Variants in GALNT3 observed in about 807,000 individuals in gnomAD.
GALNT3 encodes GalNAc transferase 3.
In GALNT3, 51 loss-of-function variants were observed where a neutral mutation model predicts 69.8. The ratio of observed to expected loss-of-function variants is 0.73; its 90% confidence interval spans 0.58 to 0.92. GALNT3 has a LOEUF of 0.92. Among genes scored for constraint, GALNT3 ranks in the 40% least tolerant of loss-of-function variants. The pLI is 0.00. For synonymous variants in GALNT3, 265 were observed against 248.5 expected (o/e 1.07, Z -0.63); for missense variants, 711 against 760.0 (o/e 0.94, Z 0.76).
rs760531349 is a variant in GALNT3, at chr2:165,759,485, G to A, written c.924C>T (p.Ser308=). Residue 308 remains serine (S), a synonymous_variant, in exon 5 of 11, where the codon TCC becomes TCT. Coordinates refer to ENST00000392701, the MANE Select transcript of GALNT3 (RefSeq NM_004482.4). ...TGAATTCAAACGTGTTCAGATCTAT[G>A]GATGCAATATCTGGACTTACGACAG... ...YTAVVSPDIA[S]IDLNTFEFNK... 9.3e-6 allele frequency: 15 copies of A among 1,613,910 alleles called. No homozygotes were observed. Among genetic ancestry groups the A allele is most frequent in the Non-Finnish European group, 1.3e-5 (15 of 1,179,990 alleles).
In GALNT3 at chr2:165,787,782, C is replaced by T. The variant is rs374596775; in HGVS notation, c.-109+6233G>A. Among the ~76,000 whole-genome samples the T allele has an allele frequency of 2.0e-4, 30 of 152,272 alleles. No individual in the cohort carries two copies. In the East Asian group the frequency reaches 4.4e-3, roughly 22 times the overall value. ...TTAAGTAAAGGCTGCTCCCTTTAAG[C>T]TCCTCAACAATAATAATATACTCAA... On this transcript the variant is annotated intron_variant, in intron 1 of 10. Transcript: ENST00000392701.
chr2:165,755,686 C>T lies in GALNT3; in HGVS notation c.1393-623G>A, dbSNP rs913313193. Among the ~76,000 whole-genome samples, 131 of 152,220 alleles carry T rather than the reference C, an allele frequency of 8.6e-4. 1 individual carries two copies. Among genetic ancestry groups the T allele is most frequent in the African/African-American group, 2.9e-3 (122 of 41,532 alleles). On this transcript the variant is annotated intron_variant, in intron 7 of 10. Coordinates refer to ENST00000392701, the MANE Select transcript of GALNT3 (RefSeq NM_004482.4). Reference sequence around the variant, plus strand: ...CTAAGAAAATAACTTTTTTAAAAAACCATTATTAAACTTCAAGGTATTTGA... The same window carrying T: ...CTAAGAAAATAACTTTTTTAAAAAATCATTATTAAACTTCAAGGTATTTGA...
intron 1 of GALNT3, among the ~76,000 whole-genome samples, chr2:165,781,624 C>T (rs190673238): frequency 8.6e-5 from 13 of 151,488 alleles, no homozygotes; most frequent in African/African-American, 1.9e-4. Flanking sequence ...AAAAGCCTAT[C>T]GAGCATAGTG....
At chr2:165,776,538 T>TAA (rs1312378101) in intron 1 of GALNT3, among the ~76,000 whole-genome samples, 2 of 149,128 alleles carry the variant, frequency 1.3e-5, no homozygotes, top group African/African-American at 4.9e-5. Context: ...TTTTAAAAAC[T>TAA]AAAAAAAAAG....
At chr2:165,762,620 AG>A (rs1466932230) in intron 3 of GALNT3, among the ~76,000 whole-genome samples, 1 of 152,218 alleles carries the variant, frequency 6.6e-6, no homozygotes, top group African/African-American at 2.4e-5. Flanking sequence ...AATTTGCGAA[AG>A]CTTTGGAGTC....
chr2:165,769,435 AAT>A (rs1225165742), intron 2 of GALNT3, among the ~76,000 whole-genome samples: 65 of 141,144 alleles, frequency 4.6e-4, no homozygotes, highest in Non-Finnish European at 8.6e-4. Flanking sequence ...TAATAATAAT[AAT>A]AATAAATAAA....
At chr2:165,769,744 A>G (rs1688716411) in intron 2 of GALNT3, among the ~76,000 whole-genome samples, 2 of 152,194 alleles carry the variant, frequency 1.3e-5, no homozygotes, top group Non-Finnish European at 1.5e-5. Context: ...TGCTTTACAC[A>G]TATATAAAAT....
In GALNT3 at chr2:165,757,097, T is replaced by C. The variant is rs1041076405; in HGVS notation, c.1342A>G (p.Lys448Glu). Residue 448 changes from lysine to glutamate, a missense_variant, in exon 7 of 11, where the codon AAG becomes GAG. Transcript: ENST00000392701. ...RLAEVWMDEYKEIFYRRNTDA... is the reference protein window; with the variant it reads ...RLAEVWMDEYEEIFYRRNTDA... Reference sequence around the variant, plus strand: ...GTATTTCTCCTATAAAATATTTCCTTGTATTCATCCATCCAGACTTCTGCA... The same window carrying C: ...GTATTTCTCCTATAAAATATTTCCTCGTATTCATCCATCCAGACTTCTGCA... 1 of 1,613,958 alleles carries C rather than the reference T, an allele frequency of 6.2e-7. No individual in the cohort carries two copies. Among genetic ancestry groups the C allele is most frequent in the African/African-American group, 1.3e-5 (1 of 74,940 alleles).
At chr2:165,773,502 CA>C (rs1688790560) in intron 1 of GALNT3, among the ~76,000 whole-genome samples, 1 of 152,018 alleles carries the variant, frequency 6.6e-6, no homozygotes, top group African/African-American at 2.4e-5. Context: ...ATAACATTAA[CA>C]AAGGCAAGAA....
chr2:165,761,372 T>C lies in GALNT3; in HGVS notation c.838+533A>G, dbSNP rs978949410. On this transcript the variant is annotated intron_variant, in intron 4 of 10. Coordinates refer to ENST00000392701, the MANE Select transcript of GALNT3 (RefSeq NM_004482.4). ...AATTATAGGCACATGTCACCATGCC[T>C]GGCTAATTTTTGTATTTTTAGTAGA... Among the ~76,000 whole-genome samples the C allele has an allele frequency of 4.6e-5, 7 of 152,166 alleles. No individual in the cohort carries two copies. In the South Asian group the frequency reaches 1.5e-3, roughly 32 times the overall value.
At chr2:165,764,265 CTTTT>C (rs1055623587) in intron 3 of GALNT3, among the ~76,000 whole-genome samples, 4 of 152,006 alleles carry the variant, frequency 2.6e-5, no homozygotes, top group African/African-American at 9.7e-5. Flanking sequence ...CATGGTGACT[CTTTT>C]TAACTATTCA....
At chr2:165,758,671 A>G (rs1688489220) in intron 6 of GALNT3, 76 bp downstream of exon 6, 3 of 958,266 alleles carry the variant, frequency 3.1e-6, no homozygotes, top group Admixed American at 1.7e-5. Context: ...ATCTGTAATC[A>G]TATGTACCAG....
chr2:165,767,824 T>C (rs1009104317), intron 2 of GALNT3, among the ~76,000 whole-genome samples: 1 of 151,342 alleles, frequency 6.6e-6, no homozygotes, highest in Non-Finnish European at 1.5e-5. Context: ...CTTCAGAAAA[T>C]GTGTTATTTG....
At chr2:165,789,081 T>A (rs559310218) in intron 1 of GALNT3, among the ~76,000 whole-genome samples, 249 of 152,308 alleles carry the variant, frequency 1.6e-3, no homozygotes, top group Non-Finnish European at 2.7e-3. Flanking sequence ...GAGAAAGGTA[T>A]AAAATGTTAA....
At chr2:165,778,019 C>T (rs868414626) in intron 1 of GALNT3, among the ~76,000 whole-genome samples, 5 of 152,180 alleles carry the variant, frequency 3.3e-5, no homozygotes, top group Admixed American at 2.0e-4. Context: ...GTCAGGTAGA[C>T]ATCTCCCTCA....
intron 2 of GALNT3, among the ~76,000 whole-genome samples, chr2:165,765,882 A>G (rs1422194099): frequency 6.6e-6 from 1 of 152,166 alleles, no homozygotes; most frequent in Non-Finnish European, 1.5e-5. Context: ...TATTGAATCA[A>G]TTTACTTAAT....
intron 2 of GALNT3, among the ~76,000 whole-genome samples, chr2:165,767,842 T>C (rs1203512168): frequency 1.3e-5 from 2 of 151,646 alleles, no homozygotes; most frequent in African/African-American, 4.8e-5. Context: ...TTGCTGATAC[T>C]GGTTACATTC....
At chr2:165,777,242 G>A (rs1271789243) in intron 1 of GALNT3, among the ~76,000 whole-genome samples, 1 of 151,992 alleles carries the variant, frequency 6.6e-6, no homozygotes, top group Non-Finnish European at 1.5e-5. Flanking sequence ...TTACTACTGA[G>A]TTAAGGCATG....
Position 165,757,267 on chromosome 2 carries a change from G to A in GALNT3, c.1192-20C>T. On this transcript the variant is annotated intron_variant, in intron 6 of 10. Coordinates refer to ENST00000392701, the MANE Select transcript of GALNT3 (RefSeq NM_004482.4). ...CCATACCTGATAATTAATGATATTTGTTTAAATTTACAGTATTTTAGAAAA... is the reference window on the plus strand; with the variant it reads ...CCATACCTGATAATTAATGATATTTATTTAAATTTACAGTATTTTAGAAAA... The A allele has an allele frequency of 6.2e-7, 1 of 1,607,640 alleles. No individual in the cohort carries two copies. The highest frequency in any genetic ancestry group is 8.5e-7 in the Non-Finnish European group (1 of 1,174,420).
Sources: gnomAD v4.1 joint callset for allele counts (sites outside exome capture counted in the v4.1 genomes callset) on GRCh38, gnomAD v4.1.1 for gene constraint, MANE v1.5 for transcripts, NCBI Gene and HGNC (gene_info 2026-07-23, HGNC 2026-07-21) for gene names.